The following GATA6 variants were observed in gnomAD, a reference collection of about 807,000 sequenced individuals.
GATA6 encodes GATA binding protein 6.
A neutral mutation model predicts 48.1 loss-of-function variants in GATA6; 11 were observed. The observed-to-expected ratio is 0.23, with a 90% CI of 0.14 to 0.38. The LOEUF (loss-of-function observed/expected upper bound fraction) is 0.38, where lower values mean the gene tolerates loss of function less well. GATA6 is among the 10% of genes least tolerant of loss of function. GATA6 has a pLI of 1.00. For missense variants in GATA6, 795 were observed against 850.3 expected (o/e 0.93, Z 0.81); for synonymous variants, 419 against 396.1 (o/e 1.06, Z -0.69).
Position 22,201,871 on chromosome 18 carries a change from A to AT in GATA6, c.*1048_*1049insT. ...CTGATGAAGTCTGTATAGTGTGACT[A>AT]ACCCACAGGCAGGTTGGTTTACATT... On this transcript the variant is annotated 3_prime_UTR_variant, in exon 7 of 7. Transcript: ENST00000269216. 6.5e-6 allele frequency: 1 copy of AT among 152,728 alleles called. No homozygotes were observed. Among genetic ancestry groups the AT allele is most frequent in the Middle Eastern group, 3.4e-3 (1 of 294 alleles). The allele number at this position is 152,728 out of a possible 1,614,324, so 9.5% of individuals were successfully genotyped here.
At position 22,182,739 on chromosome 18, in the gene GATA6, T is replaced by C. The variant is rs773297101; in HGVS notation, c.1429-18T>C. 10 of 1,568,118 alleles carry C rather than the reference T, an allele frequency of 6.4e-6. No individual in the cohort carries two copies. Among genetic ancestry groups the C allele is most frequent in the Non-Finnish European group, 8.8e-6 (10 of 1,139,692 alleles). On this transcript the variant is annotated intron_variant, in intron 4 of 6. Coordinates refer to ENST00000269216, the MANE Select transcript of GATA6 (RefSeq NM_005257.6). Reference sequence around the variant, plus strand: ...TCAATATAATATTAAATTTATGGCCTATGTGAAAATTTTTTAGGTGCCCAG... The same window carrying C: ...TCAATATAATATTAAATTTATGGCCCATGTGAAAATTTTTTAGGTGCCCAG...
intron 2 of GATA6, among the ~76,000 whole-genome samples, chr18:22,173,101 G>T (rs532278449): frequency 2.0e-5 from 3 of 152,262 alleles, no homozygotes; most frequent in East Asian, 1.9e-4. Flanking sequence ...ATTTTTTCCT[G>T]TATCTGGGAG....
chr18:22,177,100 C>T lies in GATA6; in HGVS notation c.1281C>T (p.Leu427=), dbSNP rs1240074091. The T allele has an allele frequency of 1.1e-5, 17 of 1,552,450 alleles. No individual in the cohort carries two copies. In the East Asian group the frequency reaches 3.7e-4, roughly 33 times the overall value. The change falls in exon 3 of 7, where the codon CTC becomes CTT. Residue 427 remains leucine, a synonymous_variant. Coordinates refer to ENST00000269216, the MANE Select transcript of GATA6 (RefSeq NM_005257.6). ...AGATGAACGGCCTCAGCCGGCCCCTCATCAAGCCGCAGAAGCGCGTGGTGA... is the reference window on the plus strand; with the variant it reads ...AGATGAACGGCCTCAGCCGGCCCCTTATCAAGCCGCAGAAGCGCGTGGTGA... ...YSKMNGLSRP[L]IKPQKRVPSS... is the part of the protein sequence containing the mutation.
intron 2 of GATA6, among the ~76,000 whole-genome samples, chr18:22,173,761 C>T (rs2033086287): frequency 1.3e-5 from 2 of 152,214 alleles, no homozygotes; most frequent in Non-Finnish European, 2.9e-5. Flanking sequence ...CCTGCCTCAG[C>T]CTCCCGTGTA....
At position 22,201,230 on chromosome 18, in the gene GATA6, A is replaced by C; in HGVS notation, c.*407A>C. ...CATACCTTTTCCACATCCAGATTTC[A>C]TGTGCGTTCATGGAGAAGATCACTT... On this transcript the variant is annotated 3_prime_UTR_variant, in exon 7 of 7. Coordinates refer to ENST00000269216, the MANE Select transcript of GATA6 (RefSeq NM_005257.6). The C allele has an allele frequency of 4.3e-6, 1 of 230,486 alleles. No individual in the cohort carries two copies. Among genetic ancestry groups the C allele is most frequent in the South Asian group, 6.9e-5 (1 of 14,564 alleles). The allele number at this position is 230,486 out of a possible 1,614,324, so 14.3% of individuals were successfully genotyped here. A position where few individuals can be genotyped will look rare whatever the true frequency, so the allele number is the denominator to read the frequency against.
chr18:22,179,865 T>A (rs1254163864), intron 3 of GATA6, among the ~76,000 whole-genome samples: 3 of 152,210 alleles, frequency 2.0e-5, no homozygotes, highest in Non-Finnish European at 2.9e-5. Context: ...AGTGTCTCTG[T>A]TTATAACTTC....
chr18:22,180,478 A>G (rs983093717), intron 3 of GATA6, among the ~76,000 whole-genome samples: 3 of 152,186 alleles, frequency 2.0e-5, no homozygotes, highest in Non-Finnish European at 4.4e-5. Context: ...TGGTAATACC[A>G]ATTAACCCTT....
In GATA6 at chr18:22,171,204, C is replaced by T; in HGVS notation, c.60C>T (p.Asp20=). ...AGCGCTTCGGGGCCGCGGGTGCGGA[C>T]GCCAGCGACTCCAGAGCCTTTCCAG... The part of the protein sequence containing the change: ...LPKRFGAAGA[D]ASDSRAFPAR... Residue 20 remains aspartate, a synonymous_variant, in exon 2 of 7, where the codon GAC becomes GAT. Coordinates refer to ENST00000269216, the MANE Select transcript of GATA6 (RefSeq NM_005257.6). This position sits in a 1 kb window ranked among gnomAD's most constrained non-coding sequence, Gnocchi z 7.1. 1.3e-6 allele frequency: 2 copies of T among 1,599,772 alleles called. 1 individual carries two copies. The highest frequency in any genetic ancestry group is 2.2e-5 in the South Asian group (2 of 90,986).
intron 6 of GATA6, among the ~76,000 whole-genome samples, chr18:22,184,698 C>T (rs993645571): frequency 6.6e-6 from 1 of 151,884 alleles, no homozygotes; most frequent in Non-Finnish European, 1.5e-5. Flanking sequence ...GGGGTTTCAC[C>T]ATGTTGGCCA....
At position 22,177,944 on chromosome 18, in the gene GATA6, G is replaced by GTTTTTTTTTTTTTTTTTTTTT. The variant is rs979067151; in HGVS notation, c.1302+830_1302+831insTTTTTTTTTTTTTTTTTTTTT. Among the ~76,000 whole-genome samples the GTTTTTTTTTTTTTTTTTTTTT allele has an allele frequency of 3.3e-4, 26 of 77,866 alleles. 7 individuals carry two copies. The highest frequency in any genetic ancestry group is 1.6e-3 in the African/African-American group (25 of 15,886). The allele number at this position is 77,866 out of a possible 152,430, so 51.1% of individuals were successfully genotyped here. ...TTCCCCAATTCGCACACGTTTTACT[G>GTTTTTTTTTTTTTTTTTTTTT]TTTTTTTGTTTTTTTTTTTTTTTTT... is the stretch of plus-strand genomic sequence containing the variant. On this transcript the variant is annotated intron_variant, in intron 3 of 6. Transcript: ENST00000269216.
Position 22,185,145 on chromosome 18 carries a change from A to C in GATA6, c.1620+2102A>C, listed in dbSNP as rs570054184. Among the ~76,000 whole-genome samples the C allele has an allele frequency of 6.6e-6, 1 of 152,212 alleles. No homozygotes were observed. Among genetic ancestry groups the C allele is most frequent in the Non-Finnish European group, 1.5e-5 (1 of 68,030 alleles). The stretch of plus-strand genomic sequence containing the variant: ...CAGCGAAAGGAGTGAAAAGCCAGTG[A>C]AAAGGGCCATGGTCTGGCTAGAAGA... On this transcript the variant is annotated intron_variant, in intron 6 of 6. Transcript: ENST00000269216. The surrounding 1 kb of genome is among the most constrained non-coding windows in gnomAD (Gnocchi z 4.3).
intron 3 of GATA6, among the ~76,000 whole-genome samples, chr18:22,178,505 T>A (rs1035830626): frequency 1.3e-5 from 2 of 152,244 alleles, no homozygotes; most frequent in Non-Finnish European, 2.9e-5. Context: ...AGTAATTTAT[T>A]TGTTATACTC....
rs564072161 is a variant in GATA6, at chr18:22,182,238, ATCATC to A, written c.1429-514_1429-510del. Among the ~76,000 whole-genome samples the A allele has an allele frequency of 3.0e-4, 45 of 152,340 alleles. No homozygotes were observed. In the East Asian group the frequency reaches 7.7e-3, roughly 26 times the overall value. ...GAAGGAATTAAATTCTCCTTGGCAAATCATCTCATTCTTTCTGAAGGAATCTCTGC... is the reference window on the plus strand; with the variant it reads ...GAAGGAATTAAATTCTCCTTGGCAAATCATTCTTTCTGAAGGAATCTCTGC... On this transcript the variant is annotated intron_variant, in intron 4 of 6. Transcript: ENST00000269216.
intron 2 of GATA6, chr18:22,176,374 G>A (rs1320119985): frequency 6.6e-6 from 1 of 152,202 alleles, no homozygotes; most frequent in African/African-American, 2.4e-5. Flanking sequence ...TAACGTAGGT[G>A]CCTAAGAATA....
Position 22,171,539 on chromosome 18 carries a change from G to C in GATA6, c.395G>C (p.Arg132Pro), listed in dbSNP as rs1199563822. 6.2e-7 allele frequency: 1 copy of C among 1,603,950 alleles called. No individual in the cohort carries two copies. Residue 132 changes from arginine (R) to proline (P), a missense_variant, in exon 2 of 7, where the codon CGC (arginine) becomes CCC (proline). Around this residue, in one of 5 missense-constraint regions of GATA6, gnomAD observed 591 missense variants for 570.0 expected, o/e 1.04. Coordinates refer to ENST00000269216, the MANE Select transcript of GATA6 (RefSeq NM_005257.6). The surrounding 1 kb of genome is among the most constrained non-coding windows in gnomAD (Gnocchi z 7.1). Reference sequence around the variant, plus strand: ...GCCAGCAAGCTGCTGTGGTCCAGCCGCGGCGCCAAGCTGAGCCCCTTCGCA... The same window carrying C: ...GCCAGCAAGCTGCTGTGGTCCAGCCCCGGCGCCAAGCTGAGCCCCTTCGCA... ...ATASKLLWSS[R>P]GAKLSPFAPE...
chr18:22,180,689 TA>T (rs769055281), intron 3 of GATA6, among the ~76,000 whole-genome samples: 47 of 150,872 alleles, frequency 3.1e-4, no homozygotes, highest in Admixed American at 7.2e-4. Flanking sequence ...TTTTTTTTTT[TA>T]AAAAAAACTT....
At chr18:22,184,276 CT>C (rs1200900117) in intron 6 of GATA6, among the ~76,000 whole-genome samples, 1 of 151,014 alleles carries the variant, frequency 6.6e-6, no homozygotes, top group African/African-American at 2.4e-5. Flanking sequence ...TCTTTTGAGC[CT>C]TTTCTGTAAG....
In GATA6 at chr18:22,201,631, C is replaced by T. The variant is rs538671890; in HGVS notation, c.*808C>T. The T allele has an allele frequency of 6.5e-6, 1 of 152,774 alleles. No individual in the cohort carries two copies. Among genetic ancestry groups the T allele is most frequent in the South Asian group, 2.1e-4 (1 of 4,832 alleles). The allele number at this position is 152,774 out of a possible 1,614,324, so 9.5% of individuals were successfully genotyped here. On this transcript the variant is annotated 3_prime_UTR_variant, in exon 7 of 7. Transcript: ENST00000269216. Reference sequence around the variant, plus strand: ...CATTCTTATGCTTCTTTTACAACTACATCCCATTTTATATTTCCAATTGTT... The same window carrying T: ...CATTCTTATGCTTCTTTTACAACTATATCCCATTTTATATTTCCAATTGTT...
chr18:22,176,720 G>A (rs1567995350), intron 2 of GATA6: 3 of 485,624 alleles, frequency 6.2e-6, no homozygotes, highest in East Asian at 3.9e-5. Context: ...TCTCTTTCCC[G>A]GAGTCTCTAC....
Sources: gnomAD v4.1 joint callset for allele counts (sites outside exome capture counted in the v4.1 genomes callset) on GRCh38, gnomAD v4.1.1 for gene constraint, gnomAD v4.1.1 regional missense constraint, Gnocchi (gnomAD v3.1) non-coding constraint, MANE v1.5 for transcripts, NCBI Gene and HGNC (gene_info 2026-07-23, HGNC 2026-07-21) for gene names.